ATRNL1: variants seen among roughly 807,000 people sequenced by gnomAD.
The protein encoded by ATRNL1 is attractin like 1.
Under a neutral mutation model 182.7 loss-of-function variants are expected in ATRNL1, and 95 were observed. The observed-to-expected ratio is 0.52, with a 90% CI of 0.44 to 0.62. ATRNL1 has a LOEUF of 0.62. Ranked by LOEUF, ATRNL1 falls within the 20% of genes least tolerant of loss-of-function variation. The pLI, the probability that ATRNL1 is intolerant of heterozygous loss-of-function variation, is 0.00. For missense variants in ATRNL1, 1,471 were observed against 1,679.5 expected (o/e 0.88, Z 2.17); for synonymous variants, 576 against 568.3 (o/e 1.01, Z -0.19).
intron 25 of ATRNL1, among the ~76,000 whole-genome samples, chr10:115,520,094 T>C (rs1320030432): frequency 1.3e-5 from 2 of 152,138 alleles, no homozygotes; most frequent in African/African-American, 4.8e-5. Flanking sequence ...TTGTACAAAT[T>C]AGACAAATAT....
At chr10:115,422,581 G>T (rs1554962114) in intron 20 of ATRNL1, among the ~76,000 whole-genome samples, 1 of 152,194 alleles carries the variant, frequency 6.6e-6, no homozygotes. Context: ...TACATTGCTG[G>T]TGGGATTGTA....
chr10:115,110,759 A>G (rs548844694), intron 1 of ATRNL1, among the ~76,000 whole-genome samples: 14 of 152,380 alleles, frequency 9.2e-5, no homozygotes, highest in African/African-American at 3.4e-4. Flanking sequence ...CCAGAAAATT[A>G]AATTAATTCT....
chr10:115,890,541 T>G (rs181355284), intron 28 of ATRNL1, among the ~76,000 whole-genome samples: 181 of 152,340 alleles, frequency 1.2e-3, no homozygotes, highest in Non-Finnish European at 2.0e-3. Context: ...TGCTGCTGCT[T>G]GTTATTTCAC....
intron 24 of ATRNL1, among the ~76,000 whole-genome samples, chr10:115,485,341 T>C (rs1554974927): frequency 1.3e-5 from 2 of 152,038 alleles, no homozygotes; most frequent in Admixed American, 1.3e-4. Context: ...AGCTACTTTT[T>C]TCTAAATTTA....
intron 8 of ATRNL1, among the ~76,000 whole-genome samples, chr10:115,212,222 C>T (rs1386598801): frequency 1.3e-5 from 2 of 151,652 alleles, no homozygotes; most frequent in Admixed American, 1.3e-4. Flanking sequence ...TCAAGTTTAA[C>T]AATTCTTTCC....
At chr10:115,548,383 A>G (rs1554994512) in intron 25 of ATRNL1, among the ~76,000 whole-genome samples, 1 of 152,194 alleles carries the variant, frequency 6.6e-6, no homozygotes, top group Non-Finnish European at 1.5e-5. Context: ...AGACTTGACA[A>G]GAGTGGAAAG....
At chr10:115,300,366 A>G in intron 16 of ATRNL1, 119 bp downstream of exon 16, 1 of 728,292 alleles carries the variant, frequency 1.4e-6, no homozygotes, top group South Asian at 2.3e-5. Context: ...ATTTTTATAC[A>G]CATTCTTCCC....
chr10:115,589,966 G>A (rs1555011672), intron 26 of ATRNL1, among the ~76,000 whole-genome samples: 1 of 152,148 alleles, frequency 6.6e-6, no homozygotes, highest in Non-Finnish European at 1.5e-5. Flanking sequence ...ACAGCTTTGT[G>A]TTGGTTGTCT....
intron 27 of ATRNL1, among the ~76,000 whole-genome samples, chr10:115,740,068 A>G (rs896909017): frequency 6.6e-6 from 1 of 151,530 alleles, no homozygotes; most frequent in Non-Finnish European, 1.5e-5. Context: ...GTAAAGCTAG[A>G]TATTTTATGT....
chr10:115,201,506 G>T (rs1289511929), intron 8 of ATRNL1, among the ~76,000 whole-genome samples: 2 of 152,084 alleles, frequency 1.3e-5, no homozygotes, highest in Admixed American at 1.3e-4. Context: ...CCCATTGCTC[G>T]TTTTTCTCAG....
At chr10:115,186,327 G>A (rs1847939903) in intron 8 of ATRNL1, among the ~76,000 whole-genome samples, 1 of 151,854 alleles carries the variant, frequency 6.6e-6, no homozygotes, top group African/African-American at 2.4e-5. Context: ...TAAAAATAGA[G>A]TTACCAAATG....
intron 27 of ATRNL1, among the ~76,000 whole-genome samples, chr10:115,783,895 C>T (rs1949331885): frequency 6.6e-6 from 1 of 152,104 alleles, no homozygotes; most frequent in Non-Finnish European, 1.5e-5. Context: ...CGCCTGTTGT[C>T]CCAGCTACTT....
intron 8 of ATRNL1, among the ~76,000 whole-genome samples, chr10:115,203,466 A>T (rs187507488): frequency 6.6e-6 from 1 of 151,934 alleles, no homozygotes; most frequent in East Asian, 1.9e-4. Context: ...TAAGCCCATG[A>T]TCTGGTCATT....
chr10:115,632,470 G>C (rs1555026732), intron 26 of ATRNL1, among the ~76,000 whole-genome samples: 1 of 152,062 alleles, frequency 6.6e-6, no homozygotes, highest in African/African-American at 2.4e-5. Context: ...TAAGAAAGAG[G>C]ATGGTTCTTT....
intron 24 of ATRNL1, among the ~76,000 whole-genome samples, chr10:115,498,587 C>T (rs1408741774): frequency 6.6e-6 from 1 of 151,914 alleles, no homozygotes; most frequent in African/African-American, 2.4e-5. Flanking sequence ...ACTGTTACTA[C>T]ATTCTGTTTC....
intron 10 of ATRNL1, among the ~76,000 whole-genome samples, chr10:115,249,005 A>G (rs930459799): frequency 1.3e-5 from 2 of 152,010 alleles, no homozygotes; most frequent in African/African-American, 4.8e-5. Flanking sequence ...TGAAACAGTA[A>G]AAGATTTTTA....
At chr10:115,884,400 G>T (rs1951895663) in intron 28 of ATRNL1, among the ~76,000 whole-genome samples, 1 of 152,228 alleles carries the variant, frequency 6.6e-6, no homozygotes, top group South Asian at 2.1e-4. Context: ...GAATCACATT[G>T]CTCCCATAGT....
At chr10:115,219,576 C>T (rs1554896947) in intron 9 of ATRNL1, among the ~76,000 whole-genome samples, 1 of 152,192 alleles carries the variant, frequency 6.6e-6, no homozygotes, top group African/African-American at 2.4e-5. Context: ...GATTTGAATA[C>T]TTCTGCAGCT....
intron 19 of ATRNL1, among the ~76,000 whole-genome samples, chr10:115,341,481 G>A (rs1855749068): frequency 6.6e-6 from 1 of 152,012 alleles, no homozygotes; most frequent in Non-Finnish European, 1.5e-5. Flanking sequence ...TGTGTATTCT[G>A]CAGCTGTTGG....
Sources: allele counts gnomAD v4.1 joint callset (sites outside exome capture counted in the v4.1 genomes callset), GRCh38; gene constraint gnomAD v4.1.1; transcripts MANE v1.5; gene names NCBI Gene and HGNC (gene_info 2026-07-23, HGNC 2026-07-21).